Variants in SGCD observed in about 807,000 individuals in gnomAD.
SGCD encodes the protein sarcoglycan delta, also known as delta-sarcoglycan.
In SGCD, 18 loss-of-function variants were observed where a neutral mutation model predicts 36.6. That is an observed-to-expected ratio of 0.49 (90% CI 0.34 to 0.73). SGCD has a LOEUF of 0.73. SGCD is among the 30% of genes least tolerant of loss of function. SGCD has a pLI of 0.01. For synonymous variants in SGCD, 133 were observed against 130.6 expected (o/e 1.02, Z -0.12); for missense variants, 387 against 346.7 (o/e 1.12, Z -0.92).
intron 3 of SGCD, among the ~76,000 whole-genome samples, chr5:156,186,881 C>T (rs73300659): frequency 0.016 from 2,408 of 152,314 alleles, 48 homozygotes; most frequent in African/African-American, 0.046. Flanking sequence ...GCCTTTTACT[C>T]ATCCAAAGTT....
intron 1 of SGCD, among the ~76,000 whole-genome samples, chr5:156,117,621 T>G (rs1005467225): frequency 9.9e-5 from 15 of 152,128 alleles, no homozygotes; most frequent in African/African-American, 2.4e-5. Context: ...GCTTTAAAAT[T>G]GATTATCACA....
At chr5:156,638,192 C>G (rs1459740329) in intron 6 of SGCD, among the ~76,000 whole-genome samples, 1 of 151,944 alleles carries the variant, frequency 6.6e-6, no homozygotes, top group Non-Finnish European at 1.5e-5. Flanking sequence ...TGCTGTCACA[C>G]TGTGAGAGAC....
intron 3 of SGCD, among the ~76,000 whole-genome samples, chr5:156,167,191 G>A (rs1045393225): frequency 1.3e-5 from 2 of 151,922 alleles, no homozygotes; most frequent in African/African-American, 4.8e-5. Flanking sequence ...TCTCTTCCCC[G>A]ACTGACAATC....
intron 6 of SGCD, among the ~76,000 whole-genome samples, chr5:156,614,026 A>G (rs1761933935): frequency 6.6e-6 from 1 of 152,084 alleles, no homozygotes; most frequent in African/African-American, 2.4e-5. Flanking sequence ...AGCTCACTGC[A>G]ACCTTTGCCT....
chr5:155,917,238 T>TAAAAAGTAGTGTA (rs1554104230), intron 1 of SGCD, among the ~76,000 whole-genome samples: 1 of 152,140 alleles, frequency 6.6e-6, no homozygotes, highest in Non-Finnish European at 1.5e-5. Flanking sequence ...CACTTACTAC[T>TAAAAAGTAGTGTA]ACCTAAAAGA....
chr5:156,029,822 A>T (rs542985201), intron 1 of SGCD, among the ~76,000 whole-genome samples: 18 of 152,178 alleles, frequency 1.2e-4, no homozygotes, highest in African/African-American at 2.9e-4. Context: ...CTAATTTTTT[A>T]AAAAAATTTG....
chr5:155,920,565 A>G (rs1756855393), intron 1 of SGCD, among the ~76,000 whole-genome samples: 1 of 152,158 alleles, frequency 6.6e-6, no homozygotes, highest in Admixed American at 6.6e-5. Flanking sequence ...GGCAAAGAGA[A>G]AAACAGAGCC....
At chr5:156,332,022 G>C (rs1468055111) in intron 2 of SGCD, among the ~76,000 whole-genome samples, 2 of 152,128 alleles carry the variant, frequency 1.3e-5, no homozygotes, top group Non-Finnish European at 2.9e-5. Context: ...TATTTGTTCA[G>C]TGTGTGCTTA....
chr5:156,377,054 G>A (rs1770710186), intron 3 of SGCD, among the ~76,000 whole-genome samples: 1 of 151,752 alleles, frequency 6.6e-6, no homozygotes, highest in Non-Finnish European at 1.5e-5. Flanking sequence ...CCACTAAAAT[G>A]AAAATAAAAC....
chr5:156,095,716 T>C (rs78803444), intron 1 of SGCD, among the ~76,000 whole-genome samples: 3,073 of 152,258 alleles, frequency 0.02, 45 homozygotes, highest in Non-Finnish European at 0.034. Context: ...CAAGCATAAA[T>C]GTTCCCTACT....
chr5:155,793,699 G>A, the SGCD span, among the ~76,000 whole-genome samples: 2,093 of 151,630 alleles, frequency 0.014, 60 homozygotes, highest in African/African-American at 0.048. Flanking sequence ...GCACCACCAC[G>A]TCTGGCTAAT....
intron 1 of SGCD, among the ~76,000 whole-genome samples, chr5:156,034,969 A>G (rs1487951181): frequency 6.6e-6 from 1 of 152,180 alleles, no homozygotes; most frequent in Non-Finnish European, 1.5e-5. Context: ...TTTTGTGAAC[A>G]CCTTCTAATA....
intron 1 of SGCD, among the ~76,000 whole-genome samples, chr5:156,078,357 T>TAGAG (rs1760846887): frequency 1.3e-5 from 2 of 151,170 alleles, no homozygotes; most frequent in Non-Finnish European, 2.9e-5. Context: ...CTACTAACAG[T>TAGAG]ACAAAATTCG....
intron 1 of SGCD, among the ~76,000 whole-genome samples, chr5:156,084,462 C>CCAGGTTGATCTTATAAT (rs1251074850): frequency 6.6e-6 from 1 of 152,142 alleles, no homozygotes; most frequent in African/African-American, 2.4e-5. Context: ...CATCCAAGTA[C>CCAGGTTGATCTTATAAT]CAACCAGGCT....
chr5:156,197,142 G>A (rs1041663853), intron 3 of SGCD, among the ~76,000 whole-genome samples: 10 of 152,042 alleles, frequency 6.6e-5, no homozygotes, highest in Middle Eastern at 3.4e-3. Flanking sequence ...ATAAATCTTC[G>A]CATATATTCT....
the SGCD span, among the ~76,000 whole-genome samples, chr5:155,728,007 C>T: frequency 2.6e-5 from 4 of 152,200 alleles, no homozygotes; most frequent in Admixed American, 6.5e-5. Context: ...GAGCTCCCCC[C>T]ACCCCGCCCG....
At chr5:155,974,936 C>T (rs1758079643) in intron 1 of SGCD, among the ~76,000 whole-genome samples, 1 of 152,046 alleles carries the variant, frequency 6.6e-6, no homozygotes, top group Non-Finnish European at 1.5e-5. Context: ...TTCTGCCTAC[C>T]CTCTCCCAAG....
chr5:156,429,866 A>G (rs1294740701), intron 3 of SGCD, among the ~76,000 whole-genome samples: 1 of 152,178 alleles, frequency 6.6e-6, no homozygotes, highest in African/African-American at 2.4e-5. Context: ...TCTGGCTTGT[A>G]AGGTTTCTTG....
chr5:156,016,546 T>C (rs1758983428), intron 1 of SGCD, among the ~76,000 whole-genome samples: 1 of 152,120 alleles, frequency 6.6e-6, no homozygotes, highest in African/African-American at 2.4e-5. Flanking sequence ...ACAAATTTTG[T>C]TGGTTTCTGA....
Sources: gnomAD v4.1 joint callset for allele counts (sites outside exome capture counted in the v4.1 genomes callset) on GRCh38, gnomAD v4.1.1 for gene constraint, MANE v1.5 for transcripts, NCBI Gene and HGNC (gene_info 2026-07-23, HGNC 2026-07-21) for gene names.